The following SYNPR variants were observed in gnomAD, a reference collection of about 807,000 sequenced individuals.
The protein encoded by SYNPR is synaptoporin.
In SYNPR, 23 loss-of-function variants were observed where a neutral mutation model predicts 32.9. The observed-to-expected ratio is 0.70, with a 90% CI of 0.50 to 0.99. SYNPR has a LOEUF of 0.99. SYNPR is among the 50% of genes least tolerant of loss of function. The probability of loss-of-function intolerance (pLI) is 0.00; values close to 1 mark genes in which losing one functional copy is unlikely to be tolerated. For synonymous variants in SYNPR, 146 were observed against 135.9 expected (o/e 1.07, Z -0.52); for missense variants, 318 against 349.3 (o/e 0.91, Z 0.71).
chr3:63,266,688 C>T (rs1370841452), intron 2 of SYNPR, among the ~76,000 whole-genome samples: 1 of 90,720 alleles, frequency 1.1e-5, no homozygotes, highest in African/African-American at 4.2e-5. Context: ...GCCTGGGCGA[C>T]AAGAGCAAAA....
chr3:63,613,364 C>A (rs1700229797), intron 5 of SYNPR, among the ~76,000 whole-genome samples: 1 of 151,850 alleles, frequency 6.6e-6, no homozygotes, highest in Non-Finnish European at 1.5e-5. Context: ...TTTGTTCAAG[C>A]AACTATTATA....
intron 3 of SYNPR, among the ~76,000 whole-genome samples, chr3:63,535,314 T>C (rs1442376949): frequency 6.6e-6 from 1 of 152,114 alleles, no homozygotes; most frequent in African/African-American, 2.4e-5. Flanking sequence ...TCCAAGAAAT[T>C]TTTTGTGGAT....
Position 63,386,855 on chromosome 3 carries a change from C to T in SYNPR, c.85-93977C>T, listed in dbSNP as rs1022276670. On this transcript the variant is annotated intron_variant, in intron 2 of 5. Transcript: ENST00000478300. The stretch of plus-strand genomic sequence containing the variant: ...ACAGAAAGCACGCTGCCTCCCTCAG[C>T]GGCTAATGGTGTGGCTCAGGTCAGA... Among the ~76,000 whole-genome samples, 10 of 152,186 alleles carry T rather than the reference C, an allele frequency of 6.6e-5. 1 individual carries two copies. The highest frequency in any genetic ancestry group is 9.7e-5 in the African/African-American group (4 of 41,444).
At chr3:63,426,061 G>A (rs191776857) in intron 2 of SYNPR, among the ~76,000 whole-genome samples, 3 of 152,064 alleles carry the variant, frequency 2.0e-5, no homozygotes, top group African/African-American at 4.8e-5. Flanking sequence ...CTGGAATTAC[G>A]GGCATGAGCC....
chr3:63,433,265 T>C (rs1172195404), intron 2 of SYNPR, among the ~76,000 whole-genome samples: 3 of 152,196 alleles, frequency 2.0e-5, no homozygotes, highest in Non-Finnish European at 2.9e-5. Context: ...AGAGTTGAGA[T>C]AAGTGACATT....
At chr3:63,260,249 G>A (rs899883853) in intron 2 of SYNPR, among the ~76,000 whole-genome samples, 31 of 152,262 alleles carry the variant, frequency 2.0e-4, no homozygotes, top group African/African-American at 7.0e-4. Flanking sequence ...CCAAAAACGA[G>A]CCCGCATCGC....
chr3:63,260,415 C>T (rs1220534209), intron 2 of SYNPR, among the ~76,000 whole-genome samples: 1 of 152,122 alleles, frequency 6.6e-6, no homozygotes, highest in African/African-American at 2.4e-5. Flanking sequence ...GAAATAACGC[C>T]ACATATCTAC....
chr3:63,263,528 T>C (rs2086456498), intron 2 of SYNPR, among the ~76,000 whole-genome samples: 1 of 152,228 alleles, frequency 6.6e-6, no homozygotes, highest in Non-Finnish European at 1.5e-5. Flanking sequence ...CTCATGAATT[T>C]TGGGCAGCAA....
chr3:63,536,889 A>T lies in SYNPR; in HGVS notation c.210-19654A>T, dbSNP rs150372948. Among the ~76,000 whole-genome samples, 176 of 152,306 alleles carry T rather than the reference A, an allele frequency of 1.2e-3. 2 individuals are homozygous for T. In the South Asian group the frequency reaches 0.023, roughly 20 times the overall value. ...GCCAGTCCGTTTCTATAAAATTTTC[A>T]GAATATGCAAATACATAGAAACAAA... On this transcript the variant is annotated intron_variant, in intron 3 of 5. Transcript: ENST00000478300.
At chr3:63,206,390 G>A in the SYNPR span, among the ~76,000 whole-genome samples, 1 of 152,098 alleles carries the variant, frequency 6.6e-6, no homozygotes, top group South Asian at 2.1e-4. Context: ...AAGTGGGCAG[G>A]TCACTTGTGG....
intron 2 of SYNPR, among the ~76,000 whole-genome samples, chr3:63,394,358 T>C (rs1348903524): frequency 1.3e-5 from 2 of 152,228 alleles, no homozygotes; most frequent in African/African-American, 4.8e-5. Context: ...ATCCAGAAAT[T>C]GTTGTAAATT....
chr3:63,443,376 T>C, intron 2 of SYNPR: 1 of 1,569,962 alleles, frequency 6.4e-7, no homozygotes, highest in Non-Finnish European at 8.6e-7. Context: ...CAGAGAAGCT[T>C]TATTTTTAGT....
At chr3:63,506,673 T>A (rs1167978297) in intron 3 of SYNPR, among the ~76,000 whole-genome samples, 1 of 152,224 alleles carries the variant, frequency 6.6e-6, no homozygotes, top group Admixed American at 6.5e-5. Context: ...AGTGTTAAGA[T>A]CTTTTAACGT....
At position 63,325,849 on chromosome 3, in the gene SYNPR, AC is replaced by A. The variant is rs1185065548; in HGVS notation, c.84+47108del. Among the ~76,000 whole-genome samples the A allele has an allele frequency of 4.6e-5, 7 of 151,856 alleles. No individual in the cohort carries two copies. The South Asian group carries it at 1.5e-3, about 32-fold the overall frequency. ...CATCTTTCCTTCTCAACTAGCTTTCACTTCCTGCTGAAGATAGGGAAGCTTT... is the reference window on the plus strand; with the variant it reads ...CATCTTTCCTTCTCAACTAGCTTTCATTCCTGCTGAAGATAGGGAAGCTTT... On this transcript the variant is annotated intron_variant, in intron 2 of 5. Coordinates refer to ENST00000478300, the MANE Select transcript of SYNPR (RefSeq NM_001130003.2).
intron 2 of SYNPR, among the ~76,000 whole-genome samples, chr3:63,376,387 G>C (rs116683244): frequency 6.6e-6 from 1 of 151,988 alleles, no homozygotes; most frequent in Non-Finnish European, 1.5e-5. Flanking sequence ...TGGCTTCCTC[G>C]TACTTAGGAT....
intron 2 of SYNPR, among the ~76,000 whole-genome samples, chr3:63,428,737 C>T (rs1312942592): frequency 6.6e-6 from 1 of 152,202 alleles, no homozygotes; most frequent in Non-Finnish European, 1.5e-5. Context: ...TCATGTGTCT[C>T]TTCAGTGTCA....
chr3:63,522,783 G>A (rs1701940275), intron 3 of SYNPR, among the ~76,000 whole-genome samples: 1 of 152,150 alleles, frequency 6.6e-6, no homozygotes, highest in African/African-American at 2.4e-5. Context: ...GATGAAACAT[G>A]GAAAGGGAGG....
chr3:63,407,559 C>G (rs1315876678), intron 2 of SYNPR, among the ~76,000 whole-genome samples: 3 of 152,140 alleles, frequency 2.0e-5, no homozygotes, highest in African/African-American at 7.2e-5. Context: ...GGAGTAAATG[C>G]TCAATATGTC....
intron 4 of SYNPR, among the ~76,000 whole-genome samples, chr3:63,579,416 C>T (rs529133621): frequency 6.6e-6 from 1 of 152,230 alleles, no homozygotes; most frequent in Admixed American, 6.6e-5. Flanking sequence ...ACTTCAGCAC[C>T]CATTTCCCCA....
Sources: gnomAD v4.1 joint callset for allele counts (sites outside exome capture counted in the v4.1 genomes callset) on GRCh38, gnomAD v4.1.1 for gene constraint, MANE v1.5 for transcripts, NCBI Gene and HGNC (gene_info 2026-07-23, HGNC 2026-07-21) for gene names.